Variants in TGM2 observed in about 807,000 individuals in gnomAD.
TGM2 encodes transglutaminase 2, also known as protein-glutamine gamma-glutamyltransferase 2.
Under a neutral mutation model 75.6 loss-of-function variants are expected in TGM2, and 53 were observed. The observed-to-expected ratio is 0.70, with a 90% CI of 0.56 to 0.88. The LOEUF (loss-of-function observed/expected upper bound fraction) is 0.88, where lower values mean the gene tolerates loss of function less well. Ranked by LOEUF, TGM2 falls within the 40% of genes least tolerant of loss-of-function variation. TGM2 has a pLI of 0.00. For missense variants in TGM2, 842 were observed against 928.5 expected (o/e 0.91, Z 1.21); for synonymous variants, 374 against 381.1 (o/e 0.98, Z 0.22).
chr20:38,156,111 C>T (rs868638942), intron 2 of TGM2, 22 bp from the exon 3 acceptor site: 2 of 1,608,680 alleles, frequency 1.2e-6, no homozygotes, highest in Non-Finnish European at 8.5e-7. Flanking sequence ...GAAGCAGTAG[C>T]CGTGAGCTAG....
chr20:38,164,961 C>T (rs957758412), intron 1 of TGM2, among the ~76,000 whole-genome samples: 8 of 152,250 alleles, frequency 5.3e-5, no homozygotes, highest in African/African-American at 1.9e-4. Flanking sequence ...CAGTTTACAA[C>T]ACCCCGTCGC....
intron 9 of TGM2, 115 bp downstream of exon 9, chr20:38,139,297 T>C: frequency 6.8e-7 from 1 of 1,476,548 alleles, no homozygotes; most frequent in African/African-American, 1.4e-5. Context: ...TACGGGGCCA[T>C]TGCTGTACGT....
At chr20:38,143,140 GGAGA>G (rs992511171) in intron 6 of TGM2, among the ~76,000 whole-genome samples, 1 of 152,212 alleles carries the variant, frequency 6.6e-6, no homozygotes, top group Non-Finnish European at 1.5e-5. Flanking sequence ...AGTGGAGGAA[GGAGA>G]GAGGAGAGGA....
At chr20:38,148,235 G>T in intron 4 of TGM2, 146 bp from the exon 5 acceptor site, 3 of 1,048,418 alleles carry the variant, frequency 2.9e-6, no homozygotes, top group Non-Finnish European at 4.3e-6. Context: ...AAATCTCTCT[G>T]GTGGCAGCTT....
intron 10 of TGM2, 54 bp downstream of exon 10, chr20:38,138,047 TTAGGTCACTACC>T: frequency 6.6e-7 from 1 of 1,516,246 alleles, no homozygotes; most frequent in Non-Finnish European, 8.9e-7. Flanking sequence ...TGCTAAGTGG[TTAGGTCACTACC>T]TAGCATGTTG....
chr20:38,158,500 G>A (rs2075214841), intron 2 of TGM2, among the ~76,000 whole-genome samples: 1 of 152,148 alleles, frequency 6.6e-6, no homozygotes, highest in Non-Finnish European at 1.5e-5. Flanking sequence ...ACCTTCCAGA[G>A]TAAAGCCTTC....
At chr20:38,135,468 A>T (rs1438922020) in intron 10 of TGM2, among the ~76,000 whole-genome samples, 1 of 151,082 alleles carries the variant, frequency 6.6e-6, no homozygotes, top group Non-Finnish European at 1.5e-5. Flanking sequence ...AAGGGCTCTT[A>T]AAAGAGGAAA....
rs185914889 is a variant in TGM2 at position 38,139,673 on chromosome 20, G to T, written c.1100-19C>A. 6.2e-7 allele frequency: 1 copy of T among 1,613,938 alleles called. No homozygotes were observed. Among genetic ancestry groups the T allele is most frequent in the Non-Finnish European group, 8.5e-7 (1 of 1,179,944 alleles). On this transcript the variant is annotated intron_variant, in intron 8 of 12. Coordinates refer to ENST00000361475, the MANE Select transcript of TGM2 (RefSeq NM_004613.4). ...TACGTCCCTGGCAGAGGTAGAAAGG[G>T]GAAGGGATGGGCCTGGGTGAAGGTT...
At chr20:38,130,430 G>T (rs111388336) in intron 12 of TGM2, 61 bp from the exon 13 acceptor site, 2 of 1,531,302 alleles carry the variant, frequency 1.3e-6, no homozygotes, top group African/African-American at 2.7e-5. Flanking sequence ...GCATGCTGGG[G>T]TCCAGCCAGG....
In TGM2 at chr20:38,146,824, G is replaced by C. The variant is rs759538265; in HGVS notation, c.752C>G (p.Pro251Arg). Reference sequence around the variant, plus strand: ...GTCCACGCTGCCGATCCAGGACATGGGGCTGACGCCGTCCCCGTAGTTGTT... The same window carrying C: ...GTCCACGCTGCCGATCCAGGACATGCGGCTGACGCCGTCCCCGTAGTTGTT... ...WDNNYGDGVS[P>R]MSWIGSVDIL... Residue 251 changes from proline to arginine, a missense_variant, in exon 6 of 13, where the codon CCC becomes CGC. By Grantham distance (103) the Pro-to-Arg change is moderately radical. Transcript: ENST00000361475. The C allele has an allele frequency of 6.2e-7, 1 of 1,614,012 alleles. No homozygotes were observed. The highest frequency in any genetic ancestry group is 2.2e-5 in the East Asian group (1 of 44,896).
rs1400653795 is a variant in TGM2 at position 38,142,191 on chromosome 20, A to C, written c.868T>G (p.Cys290Gly). ...FAAVACTVLRCLGIPTRVVTN... is the reference protein window; with the variant it reads ...FAAVACTVLRGLGIPTRVVTN... ...ACGACGCGGGTAGGGATGCCCAGGC[A>C]CCTCAGCACTGTTGGAGAGGAGTGG... The change falls in exon 7 of 13, where the codon TGC becomes GGC. Residue 290 changes from cysteine to glycine, a missense_variant. Cys to Gly is a radical substitution (Grantham distance 159). Coordinates refer to ENST00000361475, the MANE Select transcript of TGM2 (RefSeq NM_004613.4). 6.2e-7 allele frequency: 1 copy of C among 1,614,144 alleles called. No individual in the cohort carries two copies. The highest frequency in any genetic ancestry group is 1.7e-5 in the Admixed American group (1 of 60,022).
intron 3 of TGM2, among the ~76,000 whole-genome samples, chr20:38,154,694 A>G (rs1162731783): frequency 6.6e-5 from 10 of 152,178 alleles, no homozygotes; most frequent in Admixed American, 6.5e-4. Flanking sequence ...GAGATAGTGT[A>G]TAAGGAGGCA....
At chr20:38,151,602 G>A (rs2075116138) in intron 3 of TGM2, among the ~76,000 whole-genome samples, 1 of 152,170 alleles carries the variant, frequency 6.6e-6, no homozygotes, top group African/African-American at 2.4e-5. Context: ...GCGTGAGGGA[G>A]GCGCATGATT....
rs545462154 is a variant in TGM2, at chr20:38,152,913, G to A, written c.434-1856C>T. ...CCCAGAACCACGCTTCCCATTCCCTGAACTCTGAAACCTTGTGGTGTGGAC... is the reference window on the plus strand; with the variant it reads ...CCCAGAACCACGCTTCCCATTCCCTAAACTCTGAAACCTTGTGGTGTGGAC... On this transcript the variant is annotated intron_variant, in intron 3 of 12. Coordinates refer to ENST00000361475, the MANE Select transcript of TGM2 (RefSeq NM_004613.4). Among the ~76,000 whole-genome samples, 21 of 152,218 alleles carry A rather than the reference G, an allele frequency of 1.4e-4. 1 individual carries two copies. The South Asian group carries it at 1.7e-3, about 12-fold the overall frequency.
chr20:38,138,141 C>G lies in TGM2; in HGVS notation c.1587G>C (p.Leu529=). Residue 529 remains leucine, a synonymous_variant, in exon 10 of 13, where the codon CTG becomes CTC. Coordinates refer to ENST00000361475, the MANE Select transcript of TGM2 (RefSeq NM_004613.4). ...AGAAAGGCTCCAGGTTGAGGTTGAG[C>G]AGGTACTTGGTGCCACACTCGGGCC... ...ILGPECGTKY[L]LNLNLEPFSE... is the part of the protein sequence containing the mutation. The G allele has an allele frequency of 1.2e-6, 2 of 1,600,246 alleles. No individual in the cohort carries two copies. Among genetic ancestry groups the G allele is most frequent in the Non-Finnish European group, 1.7e-6 (2 of 1,173,504 alleles).
At chr20:38,132,815 G>A (rs1004020088) in intron 10 of TGM2, 11 of 483,856 alleles carry the variant, frequency 2.3e-5, no homozygotes, top group Admixed American at 9.3e-5. Flanking sequence ...TTGGATCTGC[G>A]TGGCACAGGC....
In TGM2 at chr20:38,153,728, G is replaced by A. The variant is rs45613634; in HGVS notation, c.433+2119C>T. On this transcript the variant is annotated intron_variant, in intron 3 of 12. Transcript: ENST00000361475. The stretch of plus-strand genomic sequence containing the variant: ...CACATACAGACTGACCTAAGGAGGT[G>A]AGCCCCCGCAAAATATCTAACAATG... Among the ~76,000 whole-genome samples the A allele has an allele frequency of 2.2e-3, 335 of 152,174 alleles. 2 individuals are homozygous for A. The highest frequency in any genetic ancestry group is 7.7e-3 in the African/African-American group (320 of 41,514).
At chr20:38,135,781 C>T (rs1241635487) in intron 10 of TGM2, among the ~76,000 whole-genome samples, 1 of 152,104 alleles carries the variant, frequency 6.6e-6, no homozygotes, top group Non-Finnish European at 1.5e-5. Flanking sequence ...GGGCTTCTCG[C>T]CTCCCCACGC....
intron 4 of TGM2, among the ~76,000 whole-genome samples, chr20:38,149,568 A>G (rs1242084144): frequency 6.6e-6 from 1 of 151,230 alleles, no homozygotes; most frequent in Non-Finnish European, 1.5e-5. Flanking sequence ...AGTCCCAGCT[A>G]CTCGGGAGGC....
Sources: allele counts gnomAD v4.1 joint callset (sites outside exome capture counted in the v4.1 genomes callset), GRCh38; gene constraint gnomAD v4.1.1; transcripts MANE v1.5; gene names NCBI Gene and HGNC (gene_info 2026-07-23, HGNC 2026-07-21).